The following VWA3B variants were observed in gnomAD, a reference collection of about 807,000 sequenced individuals.
The protein encoded by VWA3B is von Willebrand factor A domain containing 3B, also known as von Willebrand factor A domain-containing protein 3B.
In VWA3B, 138 loss-of-function variants were observed where a neutral mutation model predicts 158.3. That is an observed-to-expected ratio of 0.87 (90% CI 0.76 to 1.00). The LOEUF (loss-of-function observed/expected upper bound fraction) is 1.00. Ranked by LOEUF, VWA3B falls within the 50% of genes least tolerant of loss-of-function variation. The pLI is 0.00. For synonymous variants in VWA3B, 596 were observed against 587.3 expected, an observed-to-expected ratio of 1.01 and a Z score of -0.21; for missense variants, 1,555 against 1,565.1, an observed-to-expected ratio of 0.99 and a Z score of 0.11.
intron 8 of VWA3B, among the ~76,000 whole-genome samples, chr2:98,179,814 C>CT: frequency 9.0e-6 from 1 of 111,710 alleles, no homozygotes; most frequent in East Asian, 3.4e-4. Context: ...TTCTTTCTTT[C>CT]TTTCTTTCTT....
intron 19 of VWA3B, among the ~76,000 whole-genome samples, chr2:98,249,153 CT>C (rs1399828083): frequency 6.6e-6 from 1 of 151,990 alleles, no homozygotes; most frequent in East Asian, 1.9e-4. Context: ...TCCTGTTAGG[CT>C]TTTTTGCATT....
chr2:98,249,536 A>AT (rs1686659849), intron 19 of VWA3B, among the ~76,000 whole-genome samples: 1 of 152,188 alleles, frequency 6.6e-6, no homozygotes, highest in Non-Finnish European at 1.5e-5. Flanking sequence ...GAACTTTGAA[A>AT]TTGAAAGGGT....
Position 98,102,567 on chromosome 2 carries a change from C to T in VWA3B, c.196+9279C>T, listed in dbSNP as rs886668869. On this transcript the variant is annotated intron_variant, in intron 2 of 27. Transcript: ENST00000477737. Reference sequence around the variant, plus strand: ...CTCCTCACTTCCCAGATGGGGCGGCCGGCCCTTATTTCAAATAAACCTAAT... The same window carrying T: ...CTCCTCACTTCCCAGATGGGGCGGCTGGCCCTTATTTCAAATAAACCTAAT... 3.9e-5 allele frequency among the ~76,000 whole-genome samples: 6 copies of T among 152,106 alleles called. No homozygotes were observed. In the East Asian group the frequency reaches 5.8e-4, roughly 15 times the overall value.
chr2:98,131,952 A>C (rs940135541), intron 6 of VWA3B, among the ~76,000 whole-genome samples: 2 of 152,170 alleles, frequency 1.3e-5, no homozygotes, highest in Non-Finnish European at 2.9e-5. Flanking sequence ...CGGCACTTTG[A>C]AATCTTTTAA....
At chr2:98,264,008 T>C (rs1312181145) in intron 21 of VWA3B, among the ~76,000 whole-genome samples, 1 of 152,060 alleles carries the variant, frequency 6.6e-6, no homozygotes, top group Non-Finnish European at 1.5e-5. Context: ...TTCTTGGTTA[T>C]GCAATTTGTC....
intron 22 of VWA3B, among the ~76,000 whole-genome samples, chr2:98,272,640 C>T (rs1383474150): frequency 2.0e-5 from 3 of 152,172 alleles, no homozygotes; most frequent in Non-Finnish European, 4.4e-5. Flanking sequence ...CACCCTGAAC[C>T]TACCCAACAA....
At chr2:98,284,876 G>T (rs771853620) in intron 22 of VWA3B, among the ~76,000 whole-genome samples, 1 of 152,178 alleles carries the variant, frequency 6.6e-6, no homozygotes, top group Non-Finnish European at 1.5e-5. Context: ...AGTTTCGGCA[G>T]TGTAGCAATT....
chr2:98,190,816 C>T (rs143035674), intron 10 of VWA3B, among the ~76,000 whole-genome samples: 1 of 152,082 alleles, frequency 6.6e-6, no homozygotes, highest in East Asian at 1.9e-4. Flanking sequence ...TTGTGATATA[C>T]CTGGGTGTAG....
intron 26 of VWA3B, among the ~76,000 whole-genome samples, chr2:98,304,438 A>G (rs1690390782): frequency 6.6e-6 from 1 of 152,160 alleles, no homozygotes; most frequent in Non-Finnish European, 1.5e-5. Context: ...ATGTTGAGCA[A>G]GTGTTGGGGA....
chr2:98,121,161 C>T, intron 4 of VWA3B, 138 bp from the exon 5 acceptor site: 1 of 1,086,794 alleles, frequency 9.2e-7, no homozygotes, highest in South Asian at 1.8e-5. Context: ...CATCAGAGGG[C>T]TGGGAGCTAT....
chr2:98,244,355 C>T (rs755741330), intron 19 of VWA3B, among the ~76,000 whole-genome samples: 14 of 152,218 alleles, frequency 9.2e-5, no homozygotes, highest in East Asian at 1.9e-4. Context: ...CATCAAAAAA[C>T]GTTGCTAAAT....
intron 14 of VWA3B, among the ~76,000 whole-genome samples, chr2:98,218,357 A>G (rs893518515): frequency 6.6e-6 from 1 of 152,238 alleles, no homozygotes; most frequent in African/African-American, 2.4e-5. Flanking sequence ...ATTACACAAA[A>G]TAGAAGCATA....
rs561446870 is a variant in VWA3B at position 98,090,159 on chromosome 2, T to C, written c.-33+2796T>C. Reference sequence around the variant, plus strand: ...AAAAAGTTTCTTCTGAGCTTCCCTTTCTTGTTTCTTGGAACAACTGACCAA... The same window carrying C: ...AAAAAGTTTCTTCTGAGCTTCCCTTCCTTGTTTCTTGGAACAACTGACCAA... On this transcript the variant is annotated intron_variant, in intron 1 of 27. Transcript: ENST00000477737. Among the ~76,000 whole-genome samples, 3 of 152,368 alleles carry C rather than the reference T, an allele frequency of 2.0e-5. No homozygotes were observed. In the East Asian group the frequency reaches 5.8e-4, roughly 29 times the overall value.
At chr2:98,094,457 C>T (rs1388546260) in intron 2 of VWA3B, among the ~76,000 whole-genome samples, 2 of 152,056 alleles carry the variant, frequency 1.3e-5, no homozygotes, top group Non-Finnish European at 2.9e-5. Context: ...CTATTCAGGA[C>T]TTTTGTCCAT....
chr2:98,249,990 G>A (rs1199880744), intron 19 of VWA3B, among the ~76,000 whole-genome samples: 1 of 152,148 alleles, frequency 6.6e-6, no homozygotes, highest in Admixed American at 6.5e-5. Flanking sequence ...TTACCAATTT[G>A]ACAGAGACTT....
chr2:98,267,784 G>C (rs1442630848), intron 21 of VWA3B, among the ~76,000 whole-genome samples: 1 of 152,080 alleles, frequency 6.6e-6, no homozygotes, highest in Non-Finnish European at 1.5e-5. Flanking sequence ...AAAATTGATA[G>C]ACTACTAGCA....
intron 21 of VWA3B, among the ~76,000 whole-genome samples, chr2:98,262,964 A>G (rs1389102620): frequency 6.6e-6 from 1 of 151,780 alleles, no homozygotes; most frequent in Non-Finnish European, 1.5e-5. Context: ...TCTTTCAGCA[A>G]TGTTTTGTAG....
At chr2:98,314,650 C>T (rs1034664065), downstream of VWA3B, among the ~76,000 whole-genome samples, 1 of 152,124 alleles carries the variant, frequency 6.6e-6, no homozygotes, top group African/African-American at 2.4e-5. Flanking sequence ...CAACAAGGTA[C>T]AATTTACAAT....
At chr2:98,245,411 A>C (rs1047687933) in intron 19 of VWA3B, 2 of 379,886 alleles carry the variant, frequency 5.3e-6, no homozygotes, top group African/African-American at 4.2e-5. Flanking sequence ...ATTTCCTGTG[A>C]TCTCCACGCA....
Sources: allele counts gnomAD v4.1 joint callset (sites outside exome capture counted in the v4.1 genomes callset), GRCh38; gene constraint gnomAD v4.1.1; transcripts MANE v1.5; gene names NCBI Gene and HGNC (gene_info 2026-07-23, HGNC 2026-07-21).